The following ROBO2 variants were observed in gnomAD, a reference collection of about 807,000 sequenced individuals.
ROBO2 encodes the protein roundabout guidance receptor 2.
Under a neutral mutation model 160.8 loss-of-function variants are expected in ROBO2, and 53 were observed. The observed-to-expected ratio is 0.33, with a 90% confidence interval of 0.26 to 0.41. The LOEUF (loss-of-function observed/expected upper bound fraction) is 0.41, where lower values mean the gene tolerates loss of function less well. Ranked by LOEUF, ROBO2 falls within the 10% of genes least tolerant of loss-of-function variation. The pLI, the probability that ROBO2 is intolerant of heterozygous loss-of-function variation, is 1.00. For synonymous variants in ROBO2, 664 were observed against 611.7 expected, an observed-to-expected ratio of 1.09 and a Z score of -1.26; for missense variants, 1,577 against 1,722.4, an observed-to-expected ratio of 0.92 and a Z score of 1.49.
chr3:77,217,365 A>G (rs544698140), intron 2 of ROBO2, among the ~76,000 whole-genome samples: 2 of 151,840 alleles, frequency 1.3e-5, no homozygotes, highest in African/African-American at 4.8e-5. Context: ...CTAGTCTCAA[A>G]CTCCTGGCCT....
intron 2 of ROBO2, among the ~76,000 whole-genome samples, chr3:76,216,196 C>A (rs757207245): frequency 3.3e-5 from 5 of 151,624 alleles, no homozygotes; most frequent in African/African-American, 9.8e-5. Context: ...GTAAAAGCCA[C>A]TACAAAAACA....
rs375782933 is a variant in ROBO2, at chr3:76,928,257, A to G, written c.110-169757A>G. ...ATGGGAGTGGACTCTAGAAGTCAGA[A>G]CCAGCAAGGGAACAAATTCCCCCCA... is the stretch of plus-strand genomic sequence containing the variant. On this transcript the variant is annotated intron_variant, in intron 2 of 26. Coordinates refer to the ROBO2 transcript ENST00000487694. 1.4e-4 allele frequency among the ~76,000 whole-genome samples: 21 copies of G among 152,278 alleles called. 1 individual carries two copies. The South Asian group carries it at 3.7e-3, about 27-fold the overall frequency.
chr3:76,694,873 G>A (rs1218814378), intron 2 of ROBO2, among the ~76,000 whole-genome samples: 2 of 152,032 alleles, frequency 1.3e-5, no homozygotes, highest in East Asian at 1.9e-4. Context: ...GGAGGCTAAG[G>A]CAGGTGGATC....
chr3:77,181,841 CAT>C (rs2080818986), intron 2 of ROBO2, among the ~76,000 whole-genome samples: 1 of 152,088 alleles, frequency 6.6e-6, no homozygotes, highest in East Asian at 1.9e-4. Flanking sequence ...AATTACGTAA[CAT>C]ATTTTTGCAC....
At chr3:76,343,155 A>T (rs1445112302) in intron 2 of ROBO2, among the ~76,000 whole-genome samples, 1 of 152,094 alleles carries the variant, frequency 6.6e-6, no homozygotes, top group Non-Finnish European at 1.5e-5. Flanking sequence ...TTCAGCTAAT[A>T]TTACAAACCT....
At chr3:77,295,734 T>A (rs1029894844) in intron 2 of ROBO2, among the ~76,000 whole-genome samples, 1 of 150,932 alleles carries the variant, frequency 6.6e-6, no homozygotes, top group Non-Finnish European at 1.5e-5. Context: ...AATTGACGGT[T>A]AAACGGGTAA....
chr3:76,180,060 C>A (rs1157800199), intron 2 of ROBO2, among the ~76,000 whole-genome samples: 1 of 152,076 alleles, frequency 6.6e-6, no homozygotes, highest in Non-Finnish European at 1.5e-5. Flanking sequence ...TCCATCTATA[C>A]CTCCCCACCT....
intron 2 of ROBO2, among the ~76,000 whole-genome samples, chr3:75,986,743 C>G (rs1234816967): frequency 6.6e-6 from 1 of 151,406 alleles, no homozygotes; most frequent in African/African-American, 2.4e-5. Context: ...TACGAGGGTC[C>G]AACTTCATTA....
chr3:77,498,439 A>G (rs1394512451), intron 5 of ROBO2, among the ~76,000 whole-genome samples: 4 of 152,202 alleles, frequency 2.6e-5, no homozygotes, highest in Non-Finnish European at 5.9e-5. Flanking sequence ...TTCAAGATAT[A>G]TGGAGCAAAA....
intron 2 of ROBO2, among the ~76,000 whole-genome samples, chr3:75,941,868 A>C (rs1948070494): frequency 6.6e-6 from 1 of 152,144 alleles, no homozygotes; most frequent in African/African-American, 2.4e-5. Flanking sequence ...ATATGAAGAC[A>C]ATATCTTGTG....
At chr3:76,099,886 T>A (rs912106853) in intron 2 of ROBO2, among the ~76,000 whole-genome samples, 1 of 152,158 alleles carries the variant, frequency 6.6e-6, no homozygotes, top group Non-Finnish European at 1.5e-5. Flanking sequence ...TTGCCATGGA[T>A]TCTCCACTTG....
At chr3:76,848,783 T>C (rs946330573) in intron 2 of ROBO2, among the ~76,000 whole-genome samples, 2 of 152,170 alleles carry the variant, frequency 1.3e-5, no homozygotes, top group Non-Finnish European at 2.9e-5. Flanking sequence ...TCTGTTCATT[T>C]CCCAAAGATC....
At chr3:76,835,193 A>C (rs1280377933) in intron 2 of ROBO2, among the ~76,000 whole-genome samples, 2 of 151,730 alleles carry the variant, frequency 1.3e-5, no homozygotes, top group African/African-American at 2.4e-5. Context: ...ACTTAGAACA[A>C]TAAAAATTGG....
chr3:77,557,799 A>C (rs2093175326), intron 8 of ROBO2, 145 bp from the exon 10 acceptor site: 1 of 676,428 alleles, frequency 1.5e-6, no homozygotes, highest in African/African-American at 1.8e-5. Context: ...TAGAATATAC[A>C]TGACCAAGAA....
intron 1 of ROBO2, among the ~76,000 whole-genome samples, chr3:77,048,264 G>A (rs543745177): frequency 6.6e-6 from 1 of 152,292 alleles, no homozygotes; most frequent in South Asian, 2.1e-4. Context: ...TCAGCTGTGA[G>A]TCTTCAGGTG....
At chr3:76,281,917 G>A (rs1708254027) in intron 2 of ROBO2, among the ~76,000 whole-genome samples, 1 of 151,868 alleles carries the variant, frequency 6.6e-6, no homozygotes, top group South Asian at 2.1e-4. Flanking sequence ...ACACCCCTCT[G>A]GAGCTTACCC....
intron 2 of ROBO2, among the ~76,000 whole-genome samples, chr3:76,163,240 T>C (rs951813375): frequency 2.2e-4 from 33 of 151,946 alleles, no homozygotes; most frequent in African/African-American, 7.7e-4. Context: ...AATTTTATGA[T>C]GAATCCTCTA....
At position 76,381,277 on chromosome 3, in the gene ROBO2, A is replaced by G. The variant is rs371984053; in HGVS notation, c.109+443675A>G. On this transcript the variant is annotated intron_variant, in intron 2 of 26. Transcript: ENST00000487694. ...TAGGGACTCATTTAGACCAAAATAA[A>G]TCAAGTTAGGGAAAAGGCCAATTTG... Among the ~76,000 whole-genome samples the G allele has an allele frequency of 9.9e-5, 15 of 152,268 alleles. No homozygotes were observed. The East Asian group carries it at 2.9e-3, about 29-fold the overall frequency.
At chr3:77,524,506 A>G (rs1465240755) in intron 6 of ROBO2, among the ~76,000 whole-genome samples, 1 of 151,320 alleles carries the variant, frequency 6.6e-6, no homozygotes, top group African/African-American at 2.4e-5. Context: ...ACAACCAACC[A>G]ATAAATGCTC....
Sources: allele counts gnomAD v4.1 joint callset (sites outside exome capture counted in the v4.1 genomes callset), GRCh38; gene constraint gnomAD v4.1.1; transcripts MANE v1.5; gene names NCBI Gene and HGNC (gene_info 2026-07-23, HGNC 2026-07-21).